The following ANKRD26 variants were observed in gnomAD, a reference collection of about 807,000 sequenced individuals.
ANKRD26 encodes the protein ankyrin repeat domain 26, also known as ankyrin repeat domain-containing protein 26.
ANKRD26 carries 141 observed loss-of-function variants against 208.7 expected under a neutral mutation model. That is an observed-to-expected ratio of 0.68 (90% CI 0.59 to 0.78). The LOEUF is 0.78. Among genes scored for constraint, ANKRD26 ranks in the 30% least tolerant of loss-of-function variants. The pLI, the probability that ANKRD26 is intolerant of heterozygous loss-of-function variation, is 0.00. For missense variants in ANKRD26, 1,889 were observed against 1,938.7 expected, an observed-to-expected ratio of 0.97 and a Z score of 0.48; for synonymous variants, 636 against 660.4, an observed-to-expected ratio of 0.96 and a Z score of 0.57.
chr10:26,971,096 A>T (rs1165212278), downstream of ANKRD26, among the ~76,000 whole-genome samples: 3 of 152,170 alleles, frequency 2.0e-5, no homozygotes, highest in Non-Finnish European at 4.4e-5. Flanking sequence ...TCACTAAAGA[A>T]TTTCACTGGC....
At chr10:26,949,795 G>A in the ANKRD26 span, among the ~76,000 whole-genome samples, 14,380 of 152,202 alleles carry the variant, frequency 0.094, 1,355 homozygotes, top group East Asian at 0.48. Flanking sequence ...GACCCACCGT[G>A]CCCAGCCTCT....
intron 20 of ANKRD26, among the ~76,000 whole-genome samples, chr10:27,040,675 A>C (rs2054204048): frequency 6.6e-6 from 1 of 152,178 alleles, no homozygotes; most frequent in Admixed American, 6.6e-5. Context: ...AAATACATGA[A>C]ACAACGAGTT....
chr10:26,963,844 A>G, the ANKRD26 span, among the ~76,000 whole-genome samples: 3 of 107,358 alleles, frequency 2.8e-5, no homozygotes, highest in African/African-American at 1.1e-4. Flanking sequence ...GTTAAACTCT[A>G]TTGGTTTTGT....
chr10:27,010,156 T>A (rs61081993), intron 32 of ANKRD26, among the ~76,000 whole-genome samples: 13,287 of 152,126 alleles, frequency 0.087, 716 homozygotes, highest in African/African-American at 0.16. Flanking sequence ...TTCAAAAAAA[T>A]TTTTTTAATG....
intron 12 of ANKRD26, 83 bp downstream of exon 12, chr10:27,063,905 C>A: frequency 8.9e-7 from 1 of 1,121,782 alleles, no homozygotes; most frequent in African/African-American, 1.5e-5. Flanking sequence ...TGATTTTCTT[C>A]GGCTATTAGA....
intron 4 of ANKRD26, among the ~76,000 whole-genome samples, chr10:27,089,302 G>C (rs900260410): frequency 3.9e-5 from 6 of 152,204 alleles, no homozygotes; most frequent in Non-Finnish European, 7.3e-5. Context: ...TCAAGGCAGA[G>C]GGCATAGCAG....
intron 9 of ANKRD26, among the ~76,000 whole-genome samples, chr10:27,075,783 G>C (rs902556140): frequency 6.6e-6 from 1 of 152,160 alleles, no homozygotes; most frequent in African/African-American, 2.4e-5. Context: ...TTCTACCTGA[G>C]AACTGCAGAA....
intron 32 of ANKRD26, among the ~76,000 whole-genome samples, chr10:27,008,291 G>T (rs920200099): frequency 6.6e-6 from 1 of 151,810 alleles, no homozygotes; most frequent in Non-Finnish European, 1.5e-5. Context: ...CCAATATTTT[G>T]TAAGACTGTT....
intron 11 of ANKRD26, among the ~76,000 whole-genome samples, chr10:27,065,034 G>T (rs952121788): frequency 6.6e-6 from 1 of 152,164 alleles, no homozygotes; most frequent in Non-Finnish European, 1.5e-5. Context: ...TTTGAAGATT[G>T]TGCCCTCTGC....
At chr10:27,030,367 C>T in intron 25 of ANKRD26, 1 of 984,040 alleles carries the variant, frequency 1.0e-6, no homozygotes, top group Non-Finnish European at 1.2e-6. Context: ...AACAGCACCT[C>T]CTGGAATAAG....
At chr10:26,960,167 G>T in the ANKRD26 span, among the ~76,000 whole-genome samples, 1 of 152,024 alleles carries the variant, frequency 6.6e-6, no homozygotes, top group East Asian at 1.9e-4. Flanking sequence ...AAAAGGGGGG[G>T]TAGTGTCTAT....
intron 18 of ANKRD26, among the ~76,000 whole-genome samples, chr10:27,044,478 CAT>C (rs1379541287): frequency 1.3e-5 from 2 of 150,028 alleles, no homozygotes; most frequent in African/African-American, 2.4e-5. Context: ...AAAATGAAAA[CAT>C]AGTGTTACTT....
the ANKRD26 span, among the ~76,000 whole-genome samples, chr10:26,961,218 A>G: frequency 6.6e-6 from 1 of 151,948 alleles, no homozygotes; most frequent in South Asian, 2.1e-4. Context: ...TCCATCTAAA[A>G]AAAAAAAAAA....
chr10:27,095,852 T>C (rs186251895), intron 1 of ANKRD26, among the ~76,000 whole-genome samples: 1 of 152,216 alleles, frequency 6.6e-6, no homozygotes, highest in African/African-American at 2.4e-5. Context: ...CCTGAATGAA[T>C]GCACTCCACT....
At chr10:26,975,928 T>C (rs1365952604) in exon 6 of ANKRD26, among the ~76,000 whole-genome samples, 2 of 151,890 alleles carry the variant, frequency 1.3e-5, no homozygotes, top group Non-Finnish European at 1.5e-5. Flanking sequence ...ACGTAGGCAT[T>C]ACGTAGGATA....
intron 30 of ANKRD26, 81 bp downstream of exon 30, chr10:27,017,421 G>A (rs2053333300): frequency 4.1e-6 from 6 of 1,448,484 alleles, no homozygotes; most frequent in Admixed American, 1.7e-5. Flanking sequence ...TATAAGGGAT[G>A]TAGAGGAAAC....
At chr10:26,981,829 G>C (rs575304219) in intron 4 of ANKRD26, among the ~76,000 whole-genome samples, 8 of 152,254 alleles carry the variant, frequency 5.3e-5, no homozygotes, top group Admixed American at 5.2e-4. Context: ...ATTACTCCCT[G>C]AACTAGTTTG....
downstream of ANKRD26, among the ~76,000 whole-genome samples, chr10:26,971,701 T>A (rs7079276): frequency 0.46 from 66,810 of 146,198 alleles, 18,096 homozygotes; most frequent in African/African-American, 0.76. Context: ...AAAGAAAACA[T>A]AAAGAATTTC....
At chr10:26,949,498 AATTT>A in the ANKRD26 span, among the ~76,000 whole-genome samples, 101 of 151,672 alleles carry the variant, frequency 6.7e-4, 1 homozygote, top group African/African-American at 2.1e-3. Context: ...TATATTAATT[AATTT>A]ATTTATTAAT....
Sources: allele counts gnomAD v4.1 joint callset (sites outside exome capture counted in the v4.1 genomes callset), GRCh38; gene constraint gnomAD v4.1.1; transcripts MANE v1.5; gene names NCBI Gene and HGNC (gene_info 2026-07-23, HGNC 2026-07-21).